Variants in PTPRK observed in about 807,000 individuals in gnomAD.
The protein encoded by PTPRK is receptor-type tyrosine-protein phosphatase kappa.
In PTPRK, 75 loss-of-function variants were observed where a neutral mutation model predicts 178.0. That is an observed-to-expected ratio of 0.42 (90% confidence interval 0.35 to 0.51). PTPRK has a LOEUF of 0.51. Ranked by LOEUF, PTPRK falls within the 20% of genes least tolerant of loss-of-function variation. The probability of loss-of-function intolerance (pLI) is 0.02; values close to 1 mark genes in which losing one functional copy is unlikely to be tolerated. For synonymous variants in PTPRK, 637 were observed against 620.6 expected, an observed-to-expected ratio of 1.03 and a Z score of -0.39; for missense variants, 1,441 against 1,797.8, an observed-to-expected ratio of 0.80 and a Z score of 3.59.
intron 7 of PTPRK, among the ~76,000 whole-genome samples, chr6:128,097,495 A>G (rs777845918): frequency 1.6e-4 from 25 of 152,206 alleles, no homozygotes; most frequent in Non-Finnish European, 2.8e-4. Context: ...ATGGAAAAAA[A>G]GGCAAAGATA....
rs528241087 is a variant in PTPRK, at chr6:128,504,689, C to T, written c.100+15570G>A. On this transcript the variant is annotated intron_variant, in intron 1 of 29. Coordinates refer to ENST00000368226, the MANE Select transcript of PTPRK (RefSeq NM_002844.4). The stretch of plus-strand genomic sequence containing the variant: ...ACCTGGGTTCTTCTGGCAATATCTG[C>T]GCTCACCTTTCCTGGTTGTGGGTTT... 7.9e-5 allele frequency among the ~76,000 whole-genome samples: 12 copies of T among 152,252 alleles called. No homozygotes were observed. The East Asian group carries it at 1.5e-3, about 20-fold the overall frequency.
rs539813673 is a variant in PTPRK at position 128,037,498 on chromosome 6, T to C, written c.2194+27260A>G. Among the ~76,000 whole-genome samples, 302 of 152,316 alleles carry C rather than the reference T, an allele frequency of 2.0e-3. 2 individuals carry two copies. The highest frequency in any genetic ancestry group is 6.8e-3 in the African/African-American group (283 of 41,570). ...ACATCTGCCTATCAAGATTTAAGAA[T>C]GCATATCTTAAAATAATATTTACAA... is the stretch of plus-strand genomic sequence containing the variant. On this transcript the variant is annotated intron_variant, in intron 13 of 29. Transcript: ENST00000368226.
chr6:128,243,609 G>A (rs550764415), intron 3 of PTPRK, among the ~76,000 whole-genome samples: 47 of 151,256 alleles, frequency 3.1e-4, no homozygotes, highest in Middle Eastern at 3.4e-3. Context: ...TGGGAGAATT[G>A]CTTGAACCCA....
chr6:128,359,149 C>G (rs1358942822), intron 2 of PTPRK, among the ~76,000 whole-genome samples: 2 of 152,158 alleles, frequency 1.3e-5, no homozygotes, highest in Admixed American at 6.5e-5. Flanking sequence ...CAGTGGTTGA[C>G]TGTTATAAAG....
intron 3 of PTPRK, among the ~76,000 whole-genome samples, chr6:128,243,181 G>A (rs914378466): frequency 6.6e-6 from 1 of 152,082 alleles, no homozygotes; most frequent in African/African-American, 2.4e-5. Context: ...GAAGAGATGA[G>A]ATTAGAGACA....
At chr6:127,982,024 G>A (rs918869016) in intron 24 of PTPRK, among the ~76,000 whole-genome samples, 5 of 151,966 alleles carry the variant, frequency 3.3e-5, no homozygotes, top group Non-Finnish European at 7.4e-5. Context: ...ATTTTTTGTA[G>A]AGATGAGGTT....
intron 1 of PTPRK, among the ~76,000 whole-genome samples, chr6:128,434,838 A>T (rs1458720940): frequency 6.6e-6 from 1 of 152,018 alleles, no homozygotes; most frequent in African/African-American, 2.4e-5. Flanking sequence ...TTGGCAAAAT[A>T]GCAAGAATCT....
At chr6:128,134,394 C>T (rs4129795) in intron 7 of PTPRK, among the ~76,000 whole-genome samples, 2,868 of 152,228 alleles carry the variant, frequency 0.019, 77 homozygotes, top group African/African-American at 0.065. Context: ...ACTTAAATTT[C>T]AGAACATTTT....
intron 13 of PTPRK, among the ~76,000 whole-genome samples, chr6:128,057,070 A>G (rs1258834073): frequency 6.6e-6 from 1 of 152,180 alleles, no homozygotes; most frequent in African/African-American, 2.4e-5. Context: ...ATCTTATGTC[A>G]TAACTCATTA....
chr6:128,194,096 A>T (rs1804441444), intron 6 of PTPRK, among the ~76,000 whole-genome samples: 1 of 146,216 alleles, frequency 6.8e-6, no homozygotes, highest in East Asian at 2.0e-4. Context: ...TATTATTATT[A>T]TTATTAGGAA....
chr6:128,428,323 T>C (rs1010574275), intron 1 of PTPRK, among the ~76,000 whole-genome samples: 1 of 152,182 alleles, frequency 6.6e-6, no homozygotes. Context: ...GAGAAAGCAA[T>C]TATAGCAATC....
intron 3 of PTPRK, among the ~76,000 whole-genome samples, chr6:128,272,272 C>CT (rs1819949995): frequency 6.6e-6 from 1 of 152,216 alleles, no homozygotes; most frequent in African/African-American, 2.4e-5. Flanking sequence ...AAAACCTAGG[C>CT]AATACCATTC....
intron 6 of PTPRK, among the ~76,000 whole-genome samples, chr6:128,194,064 ATATTATTATTAT>A (rs373236074): frequency 5.0e-4 from 69 of 137,550 alleles, no homozygotes; most frequent in Non-Finnish European, 6.3e-4. Flanking sequence ...ATTTATATAT[ATATTATTATTAT>A]TATTATTATT....
chr6:128,212,970 G>A (rs1808491948), intron 6 of PTPRK, among the ~76,000 whole-genome samples: 1 of 152,040 alleles, frequency 6.6e-6, no homozygotes, highest in African/African-American at 2.4e-5. Flanking sequence ...GTGTACAGAA[G>A]TGGATCAAGT....
intron 7 of PTPRK, among the ~76,000 whole-genome samples, chr6:128,134,685 C>T (rs926153370): frequency 2.0e-5 from 3 of 152,090 alleles, no homozygotes; most frequent in African/African-American, 7.2e-5. Flanking sequence ...GTGGTGCACA[C>T]CTATAGTCCC....
At chr6:128,014,257 A>G (rs1363345610) in intron 13 of PTPRK, among the ~76,000 whole-genome samples, 1 of 151,608 alleles carries the variant, frequency 6.6e-6, no homozygotes, top group African/African-American at 2.4e-5. Flanking sequence ...CCCCTTTGTT[A>G]CATTCCTTTA....
At chr6:128,012,474 C>T (rs558888264) in intron 13 of PTPRK, among the ~76,000 whole-genome samples, 86 of 151,212 alleles carry the variant, frequency 5.7e-4, no homozygotes, top group Non-Finnish European at 9.6e-4. Context: ...CAATGTGGAG[C>T]ACCTTTTTCA....
At chr6:127,973,904 AC>A in intron 27 of PTPRK, 77 bp from the exon 28 acceptor site, 4 of 1,410,546 alleles carry the variant, frequency 2.8e-6, no homozygotes, top group South Asian at 2.7e-5. Flanking sequence ...CATATAATTT[AC>A]AATACAAATG....
chr6:128,173,487 T>C (rs1339760121), intron 7 of PTPRK, among the ~76,000 whole-genome samples: 2 of 152,022 alleles, frequency 1.3e-5, no homozygotes, highest in African/African-American at 4.8e-5. Context: ...AGGAATTAAA[T>C]GGTGATGACA....
Sources: gnomAD v4.1 joint callset for allele counts (sites outside exome capture counted in the v4.1 genomes callset) on GRCh38, gnomAD v4.1.1 for gene constraint, MANE v1.5 for transcripts, NCBI Gene and HGNC (gene_info 2026-07-23, HGNC 2026-07-21) for gene names.